The following CWC27 variants were observed in gnomAD, a reference collection of about 807,000 sequenced individuals.
CWC27 encodes spliceosome-associated protein CWC27 homolog.
A neutral mutation model predicts 63.6 loss-of-function variants in CWC27; 47 were observed. The observed-to-expected ratio is 0.74, with a 90% confidence interval of 0.58 to 0.94. The LOEUF is 0.94. Ranked by LOEUF, CWC27 falls within the 40% of genes least tolerant of loss-of-function variation. The probability of loss-of-function intolerance (pLI) is 0.00; values close to 1 mark genes in which losing one functional copy is unlikely to be tolerated. For synonymous variants in CWC27, 175 were observed against 179.8 expected (o/e 0.97, Z 0.22); for missense variants, 495 against 554.3 (o/e 0.89, Z 1.07).
chr5:64,979,601 A>G (rs1255184596), intron 13 of CWC27, among the ~76,000 whole-genome samples: 1 of 152,200 alleles, frequency 6.6e-6, no homozygotes, highest in Non-Finnish European at 1.5e-5. Context: ...ATTTATAACA[A>G]ATATTATGAG....
At chr5:64,929,803 G>A (rs1002354815) in intron 11 of CWC27, among the ~76,000 whole-genome samples, 1 of 151,586 alleles carries the variant, frequency 6.6e-6, no homozygotes, top group Non-Finnish European at 1.5e-5. Flanking sequence ...TGGAAAAAAA[G>A]TTTAACAGTT....
intron 9 of CWC27, among the ~76,000 whole-genome samples, chr5:64,801,814 C>G (rs1744499814): frequency 6.6e-6 from 1 of 152,104 alleles, no homozygotes; most frequent in African/African-American, 2.4e-5. Context: ...GCTAACAAAA[C>G]AGAAGGAAGA....
chr5:64,933,628 G>T lies in CWC27; in HGVS notation c.1043-38075G>T, dbSNP rs552149255. ...CTGCCTCAGCCTCCTGAGTAGCTGGGACTACAGGCATGCACCACCATGCCT... is the reference window on the plus strand; with the variant it reads ...CTGCCTCAGCCTCCTGAGTAGCTGGTACTACAGGCATGCACCACCATGCCT... On this transcript the variant is annotated intron_variant, in intron 11 of 13. Coordinates refer to ENST00000381070, the MANE Select transcript of CWC27 (RefSeq NM_005869.4). Among the ~76,000 whole-genome samples, 346 of 151,948 alleles carry T rather than the reference G, an allele frequency of 2.3e-3. 1 individual carries two copies. The highest frequency in any genetic ancestry group is 7.8e-3 in the African/African-American group (324 of 41,420).
intron 11 of CWC27, among the ~76,000 whole-genome samples, chr5:64,916,928 T>TAGTAGC (rs60835525): frequency 2.0e-5 from 3 of 148,948 alleles, no homozygotes; most frequent in African/African-American, 4.9e-5. Context: ...GTAGTAGTAG[T>TAGTAGC]AGCAGTGGTA....
At chr5:65,004,635 G>A (rs1259221094) in intron 13 of CWC27, among the ~76,000 whole-genome samples, 2 of 149,616 alleles carry the variant, frequency 1.3e-5, no homozygotes, top group Non-Finnish European at 3.0e-5. Context: ...CTGTTCTCTT[G>A]TATCTCACTT....
intron 10 of CWC27, among the ~76,000 whole-genome samples, chr5:64,846,356 CA>C (rs763696830): frequency 3.3e-5 from 5 of 152,110 alleles, no homozygotes; most frequent in Non-Finnish European, 2.9e-5. Context: ...AAGGTATACA[CA>C]TTAAAAATGA....
chr5:65,013,320 T>C (rs1291477395), intron 13 of CWC27, among the ~76,000 whole-genome samples: 7 of 152,206 alleles, frequency 4.6e-5, no homozygotes, highest in African/African-American at 1.7e-4. Flanking sequence ...AGACAGTCTC[T>C]ACCCACAAAA....
At chr5:64,809,984 A>G (rs1744819140) in intron 10 of CWC27, among the ~76,000 whole-genome samples, 1 of 149,528 alleles carries the variant, frequency 6.7e-6, no homozygotes. Context: ...CAGTGTCATC[A>G]GGCTATTCCC....
intron 10 of CWC27, among the ~76,000 whole-genome samples, chr5:64,866,131 A>G (rs1169590182): frequency 6.6e-6 from 1 of 152,072 alleles, no homozygotes; most frequent in Non-Finnish European, 1.5e-5. Context: ...ATATCTATAA[A>G]GCAGATGATA....
chr5:64,878,963 T>C (rs1746869226), intron 10 of CWC27, among the ~76,000 whole-genome samples: 1 of 151,704 alleles, frequency 6.6e-6, no homozygotes, highest in Non-Finnish European at 1.5e-5. Context: ...ACTGTAGGAT[T>C]TGGGGTATGT....
At chr5:65,010,917 G>A (rs1749943621) in intron 13 of CWC27, among the ~76,000 whole-genome samples, 5 of 152,196 alleles carry the variant, frequency 3.3e-5, no homozygotes, top group Admixed American at 3.3e-4. Flanking sequence ...GGAGCAAGGT[G>A]AACAAAACCA....
chr5:64,956,177 G>T (rs1319596386), intron 11 of CWC27, among the ~76,000 whole-genome samples: 1 of 151,970 alleles, frequency 6.6e-6, no homozygotes, highest in African/African-American at 2.4e-5. Context: ...CAATAATTAG[G>T]TATAGGAATA....
At chr5:64,894,030 A>G (rs942580149) in intron 11 of CWC27, among the ~76,000 whole-genome samples, 9 of 151,720 alleles carry the variant, frequency 5.9e-5, no homozygotes, top group African/African-American at 2.2e-4. Context: ...CCCAGGTTCA[A>G]ACGATTCTCC....
chr5:64,808,320 T>G, intron 10 of CWC27: 1 of 989,132 alleles, frequency 1.0e-6, no homozygotes, highest in African/African-American at 1.7e-5. Flanking sequence ...GTCAGCAAGT[T>G]GTCAGCAAGT....
chr5:64,968,627 T>C (rs1749066526), intron 11 of CWC27, among the ~76,000 whole-genome samples: 1 of 151,988 alleles, frequency 6.6e-6, no homozygotes, highest in African/African-American at 2.4e-5. Flanking sequence ...TTTGTATGAG[T>C]TTCTAGTAAT....
chr5:64,973,061 A>G (rs572076368), intron 12 of CWC27, among the ~76,000 whole-genome samples: 1 of 152,336 alleles, frequency 6.6e-6, no homozygotes, highest in Non-Finnish European at 1.5e-5. Flanking sequence ...GAGGCAGAGC[A>G]TGGCTAGACA....
intron 10 of CWC27, among the ~76,000 whole-genome samples, chr5:64,843,983 T>A (rs1278100334): frequency 6.6e-6 from 1 of 152,118 alleles, no homozygotes; most frequent in Admixed American, 6.6e-5. Context: ...AGCATCCTTT[T>A]GAAAACTGCT....
At chr5:64,829,977 C>CTTT (rs146220063) in intron 10 of CWC27, among the ~76,000 whole-genome samples, 3 of 117,974 alleles carry the variant, frequency 2.5e-5, no homozygotes, top group African/African-American at 3.2e-5. Flanking sequence ...ATGAACTCAT[C>CTTT]TTTTTTTTTT....
intron 11 of CWC27, among the ~76,000 whole-genome samples, chr5:64,923,488 G>C (rs1219164964): frequency 1.6e-4 from 24 of 149,950 alleles, no homozygotes; most frequent in Non-Finnish European, 1.5e-5. Context: ...TCCCTCTTCA[G>C]TCCTGGTGTC....
Sources: gnomAD v4.1 joint callset for allele counts (sites outside exome capture counted in the v4.1 genomes callset) on GRCh38, gnomAD v4.1.1 for gene constraint, MANE v1.5 for transcripts, NCBI Gene and HGNC (gene_info 2026-07-23, HGNC 2026-07-21) for gene names.